The following CERS3 variants were observed in gnomAD, a reference collection of about 807,000 sequenced individuals.
The protein encoded by CERS3 is ceramide synthase 3.
In CERS3, 33 loss-of-function variants were observed where a neutral mutation model predicts 50.3. That is an observed-to-expected ratio of 0.66 (90% CI 0.50 to 0.88). The LOEUF (loss-of-function observed/expected upper bound fraction) is 0.88. CERS3 is among the 40% of genes least tolerant of loss of function. The pLI, the probability that CERS3 is intolerant of heterozygous loss-of-function variation, is 0.00. For synonymous variants in CERS3, 176 were observed against 155.2 expected (o/e 1.13, Z -0.99); for missense variants, 470 against 460.3 (o/e 1.02, Z -0.19).
intron 2 of CERS3, among the ~76,000 whole-genome samples, chr15:100,509,988 G>A (rs1168227283): frequency 3.4e-5 from 5 of 146,820 alleles, no homozygotes; most frequent in Non-Finnish European, 5.9e-5. Flanking sequence ...ACATTAGTCT[G>A]TTTGTGCTTT....
intron 10 of CERS3, among the ~76,000 whole-genome samples, chr15:100,465,994 T>C (rs1275020112): frequency 2.6e-5 from 4 of 152,196 alleles, no homozygotes; most frequent in Non-Finnish European, 5.9e-5. Flanking sequence ...TCTGTTCATA[T>C]TGGTTTATTT....
At chr15:100,523,882 G>A (rs1260784196) in intron 1 of CERS3, among the ~76,000 whole-genome samples, 3 of 152,150 alleles carry the variant, frequency 2.0e-5, no homozygotes, top group African/African-American at 7.2e-5. Flanking sequence ...ATATTGGACA[G>A]TGAAGATCTA....
At chr15:100,483,330 G>C (rs989937288) in intron 5 of CERS3, among the ~76,000 whole-genome samples, 6 of 152,188 alleles carry the variant, frequency 3.9e-5, no homozygotes, top group South Asian at 2.1e-4. Context: ...CTAATTCACT[G>C]TTTAAGGCCG....
rs541403597 is a variant in CERS3 at position 100,400,590 on chromosome 15, G to A, written c.*2123C>T. The A allele has an allele frequency of 2.0e-5, 3 of 152,176 alleles. No homozygotes were observed. Among genetic ancestry groups the A allele is most frequent in the South Asian group, 4.1e-4 (2 of 4,822 alleles). 9.4% of individuals were successfully genotyped at this position (152,176 alleles called of 1,614,324 possible). A position where few individuals can be genotyped will look rare whatever the true frequency, so the allele number is the denominator to read the frequency against. On this transcript the variant is annotated 3_prime_UTR_variant, in exon 12 of 12. Coordinates refer to ENST00000679737, the MANE Select transcript of CERS3 (RefSeq NM_001378789.1). Reference sequence around the variant, plus strand: ...TATCTACTTCTTATGAAGTAGTTTAGTGCTTTCAGCTGTATCAGAAATAGT... The same window carrying A: ...TATCTACTTCTTATGAAGTAGTTTAATGCTTTCAGCTGTATCAGAAATAGT...
chr15:100,441,966 T>C (rs1290558048), intron 11 of CERS3, among the ~76,000 whole-genome samples: 1 of 152,016 alleles, frequency 6.6e-6, no homozygotes, highest in Non-Finnish European at 1.5e-5. Context: ...TAGGTCCCAA[T>C]TCTTCCTCAG....
At chr15:100,504,744 A>T (rs1486184109) in intron 2 of CERS3, among the ~76,000 whole-genome samples, 1 of 152,182 alleles carries the variant, frequency 6.6e-6, no homozygotes, top group Non-Finnish European at 1.5e-5. Flanking sequence ...ATCTGGGTAC[A>T]AAGGTGCAGT....
chr15:100,499,249 T>C (rs1212219324), intron 3 of CERS3, among the ~76,000 whole-genome samples: 1 of 152,230 alleles, frequency 6.6e-6, no homozygotes, highest in African/African-American at 2.4e-5. Flanking sequence ...AGTGTTGACA[T>C]TTGAGCAGGT....
At chr15:100,413,833 C>A (rs529606417) in intron 11 of CERS3, among the ~76,000 whole-genome samples, 1 of 147,388 alleles carries the variant, frequency 6.8e-6, no homozygotes, top group African/African-American at 2.5e-5. Flanking sequence ...AACTAGAAAA[C>A]CTAGAAGAAA....
intron 2 of CERS3, among the ~76,000 whole-genome samples, chr15:100,511,172 C>T (rs1039381997): frequency 6.6e-6 from 1 of 152,068 alleles, no homozygotes; most frequent in Non-Finnish European, 1.5e-5. Flanking sequence ...GCCTGTAATC[C>T]CAGCTACTTG....
At chr15:100,417,535 GGTAAATAAAGCAGCCT>G (rs1321481472) in intron 11 of CERS3, among the ~76,000 whole-genome samples, 1 of 152,040 alleles carries the variant, frequency 6.6e-6, no homozygotes, top group African/African-American at 2.4e-5. Context: ...GGCTTGCTTA[GGTAAATAAAGCAGCCT>G]GGAAGCTCGA....
intron 11 of CERS3, among the ~76,000 whole-genome samples, chr15:100,417,233 CGTG>C (rs2031992927): frequency 1.3e-5 from 2 of 151,318 alleles, no homozygotes; most frequent in Non-Finnish European, 2.9e-5. Flanking sequence ...GTGCACCGTG[CGTG>C]AGCCGAAGCA....
At chr15:100,510,564 A>T (rs1348943661) in intron 2 of CERS3, among the ~76,000 whole-genome samples, 1 of 152,146 alleles carries the variant, frequency 6.6e-6, no homozygotes, top group African/African-American at 2.4e-5. Flanking sequence ...CCTCCACCCC[A>T]GTTACACCTG....
intron 10 of CERS3, among the ~76,000 whole-genome samples, chr15:100,467,874 G>GATAGAT (rs1555528342): frequency 0.038 from 1,731 of 45,930 alleles, 93 homozygotes; most frequent in Admixed American, 0.15. Flanking sequence ...TAGATAGATA[G>GATAGAT]ATAGATATAG....
intron 10 of CERS3, among the ~76,000 whole-genome samples, chr15:100,466,272 A>C (rs999340654): frequency 9.1e-6 from 1 of 110,400 alleles, no homozygotes; most frequent in Non-Finnish European, 2.2e-5. Context: ...GTTTATTTTG[A>C]GACATCATGG....
At chr15:100,423,760 T>C (rs1284836380) in intron 11 of CERS3, among the ~76,000 whole-genome samples, 2 of 151,994 alleles carry the variant, frequency 1.3e-5, no homozygotes, top group Non-Finnish European at 2.9e-5. Flanking sequence ...AAACAAAAGT[T>C]GAAAAAGAGC....
chr15:100,539,163 T>G (rs945098343), intron 1 of CERS3, among the ~76,000 whole-genome samples: 2 of 152,184 alleles, frequency 1.3e-5, no homozygotes, highest in Non-Finnish European at 2.9e-5. Context: ...AGCCTGGACT[T>G]TATTGTCCAC....
intron 10 of CERS3, 138 bp downstream of exon 10, chr15:100,469,240 A>G: frequency 1.6e-6 from 1 of 632,486 alleles, no homozygotes; most frequent in Non-Finnish European, 2.9e-6. Context: ...TGGCTCCATC[A>G]CATTCTTTTC....
At position 100,469,390 on chromosome 15, in the gene CERS3, A is replaced by C. The variant is rs557826222; in HGVS notation, c.833T>G (p.Val278Gly). Reference protein sequence around the residue: ...STIFFISRLIVFPFWILYCTL... With the variant: ...STIFFISRLIGFPFWILYCTL... ...CCGGTCTACTCACCAGAAAGGAAAA[A>C]CAATGAGGCGGCTGATGAAAAATAT... Residue 278 changes from valine (V) to glycine (G), a missense_variant, in exon 10 of 12, where the codon GTT becomes GGT. Val to Gly is a moderately radical substitution (Grantham distance 109, BLOSUM62 -3). Coordinates refer to ENST00000679737, the MANE Select transcript of CERS3 (RefSeq NM_001378789.1). 1 of 1,613,838 alleles carries C rather than the reference A, an allele frequency of 6.2e-7. No individual in the cohort carries two copies. The highest frequency in any genetic ancestry group is 1.7e-5 in the Admixed American group (1 of 60,026).
rs190713593 is a variant in CERS3, at chr15:100,405,079, A to G, written c.1000-2214T>C. 3.9e-5 allele frequency among the ~76,000 whole-genome samples: 6 copies of G among 152,272 alleles called. No homozygotes were observed. In the East Asian group the frequency reaches 1.2e-3, roughly 29 times the overall value. On this transcript the variant is annotated intron_variant, in intron 11 of 11. Coordinates refer to ENST00000679737, the MANE Select transcript of CERS3 (RefSeq NM_001378789.1). The stretch of plus-strand genomic sequence containing the variant: ...ACGGCACTAAAAACATGAAAGAAAA[A>G]ACTGGCAAACTGGAATTCATCAAAA...
Sources: allele counts gnomAD v4.1 joint callset (sites outside exome capture counted in the v4.1 genomes callset), GRCh38; gene constraint gnomAD v4.1.1; transcripts MANE v1.5; gene names NCBI Gene and HGNC (gene_info 2026-07-23, HGNC 2026-07-21).